FBXL2: variants seen among roughly 807,000 people sequenced by gnomAD.
FBXL2 encodes F-box and leucine rich repeat protein 2, also known as F-box/LRR-repeat protein 2.
A neutral mutation model predicts 69.2 loss-of-function variants in FBXL2; 38 were observed. That is an observed-to-expected ratio of 0.55 (90% CI 0.42 to 0.72). FBXL2 has a LOEUF of 0.72. FBXL2 is among the 30% of genes least tolerant of loss of function. The pLI is 0.00. For missense variants in FBXL2, 354 were observed against 520.3 expected (o/e 0.68, Z 3.11); for synonymous variants, 192 against 201.3 (o/e 0.95, Z 0.39).
downstream of FBXL2, among the ~76,000 whole-genome samples, chr3:33,404,486 A>T (rs1347646023): frequency 1.4e-5 from 1 of 71,066 alleles, no homozygotes; most frequent in Non-Finnish European, 2.8e-5. Flanking sequence ...TAATAGGATT[A>T]AAAAAAAAAA....
intron 1 of FBXL2, among the ~76,000 whole-genome samples, chr3:33,287,274 T>G (rs921395869): frequency 2.6e-5 from 4 of 152,124 alleles, no homozygotes; most frequent in African/African-American, 9.7e-5. Flanking sequence ...AAGTAGAGAT[T>G]TCTCTATTAA....
At chr3:33,287,261 G>A (rs934587263) in intron 1 of FBXL2, among the ~76,000 whole-genome samples, 67 of 152,182 alleles carry the variant, frequency 4.4e-4, no homozygotes, top group African/African-American at 1.6e-3. Context: ...AATAGATCAA[G>A]GAAAGTAGAG....
intron 12 of FBXL2, chr3:33,393,143 G>A: frequency 1.4e-6 from 1 of 723,154 alleles, no homozygotes. Flanking sequence ...TTATCACTAG[G>A]ATGCCTGAAA....
intron 2 of FBXL2, among the ~76,000 whole-genome samples, chr3:33,333,825 G>A (rs559433238): frequency 2.0e-5 from 3 of 152,198 alleles, no homozygotes; most frequent in South Asian, 2.1e-4. Flanking sequence ...TCACATTCTC[G>A]CAGAGATTGA....
intron 12 of FBXL2, chr3:33,400,859 T>G: frequency 9.1e-7 from 1 of 1,103,762 alleles, no homozygotes; most frequent in Non-Finnish European, 1.3e-6. Context: ...TTACCATACA[T>G]GTAACAAAAC....
the FBXL2 span, among the ~76,000 whole-genome samples, chr3:33,418,030 T>C: frequency 6.6e-6 from 1 of 152,146 alleles, no homozygotes; most frequent in Non-Finnish European, 1.5e-5. Context: ...AGAGACATTT[T>C]TAAAAAGTTA....
At chr3:33,314,119 CTTA>C (rs2037456825) in intron 2 of FBXL2, among the ~76,000 whole-genome samples, 3 of 150,554 alleles carry the variant, frequency 2.0e-5, no homozygotes, top group African/African-American at 7.3e-5. Flanking sequence ...TTGCTTTTTA[CTTA>C]TTGTGAAATA....
intron 2 of FBXL2, among the ~76,000 whole-genome samples, chr3:33,351,496 T>C (rs2040825885): frequency 6.6e-6 from 1 of 152,058 alleles, no homozygotes; most frequent in Non-Finnish European, 1.5e-5. Context: ...ACTACAAAAC[T>C]CCAGTATTCC....
In FBXL2 at chr3:33,377,966, T is replaced by C. The variant is rs984543935; in HGVS notation, c.850-137T>C. On this transcript the variant is annotated intron_variant, in intron 11 of 14. Transcript: ENST00000484457. ...TGTTCAGAAGTGCTGGTTTACTGGGTAGCTTTAGGAAGAGGGCATACTTCT... is the reference window on the plus strand; with the variant it reads ...TGTTCAGAAGTGCTGGTTTACTGGGCAGCTTTAGGAAGAGGGCATACTTCT... 4 of 798,294 alleles carry C rather than the reference T, an allele frequency of 5.0e-6. No homozygotes were observed. In the African/African-American group the frequency reaches 6.7e-5, roughly 13 times the overall value. 49.5% of individuals were successfully genotyped at this position (798,294 alleles called of 1,614,324 possible). A position where few individuals can be genotyped will look rare whatever the true frequency, so the allele number is the denominator to read the frequency against.
At chr3:33,352,853 C>G (rs541817401) in intron 2 of FBXL2, among the ~76,000 whole-genome samples, 1 of 152,076 alleles carries the variant, frequency 6.6e-6, no homozygotes, top group Non-Finnish European at 1.5e-5. Context: ...TGAGATCACA[C>G]CACTGCACTC....
At chr3:33,298,542 T>C (rs2125717730) in intron 2 of FBXL2, among the ~76,000 whole-genome samples, 1 of 151,722 alleles carries the variant, frequency 6.6e-6, no homozygotes, top group East Asian at 1.9e-4. Flanking sequence ...GGCGTGGTGG[T>C]GCACGCCTGT....
chr3:33,312,026 T>C (rs1337497510), intron 2 of FBXL2, among the ~76,000 whole-genome samples: 2 of 152,216 alleles, frequency 1.3e-5, no homozygotes, highest in African/African-American at 4.8e-5. Context: ...CAGTGAGCTA[T>C]GCAATATAGA....
intron 2 of FBXL2, among the ~76,000 whole-genome samples, chr3:33,353,018 C>A (rs2040936617): frequency 6.6e-6 from 1 of 152,252 alleles, no homozygotes; most frequent in East Asian, 1.9e-4. Flanking sequence ...ATGCAGATGA[C>A]AAGCATAAGA....
intron 12 of FBXL2, among the ~76,000 whole-genome samples, chr3:33,395,564 A>G (rs2043944588): frequency 1.3e-5 from 2 of 152,040 alleles, no homozygotes; most frequent in African/African-American, 2.4e-5. Context: ...CCCTCCCAAG[A>G]TAACGTACTG....
At chr3:33,406,400 C>T (rs919919049), downstream of FBXL2, among the ~76,000 whole-genome samples, 16 of 152,230 alleles carry the variant, frequency 1.1e-4, no homozygotes, top group African/African-American at 3.4e-4. Flanking sequence ...CTCACCTCTA[C>T]TATCTGAAAG....
intron 9 of FBXL2, among the ~76,000 whole-genome samples, chr3:33,374,526 T>C (rs1169718920): frequency 1.3e-5 from 2 of 152,180 alleles, no homozygotes. Flanking sequence ...TGCATTCAGC[T>C]TTAAATGAAT....
intron 3 of FBXL2, 117 bp from the exon 4 acceptor site, chr3:33,359,164 CTT>C: frequency 1.0e-6 from 1 of 970,136 alleles, no homozygotes. Context: ...TGATGATTAA[CTT>C]AATATACATC....
In FBXL2 at chr3:33,387,921, T is replaced by C. The variant is rs1486569044; in HGVS notation, c.*2313T>C. On this transcript the variant is annotated 3_prime_UTR_variant, in exon 15 of 15. Coordinates refer to ENST00000484457, the MANE Select transcript of FBXL2 (RefSeq NM_012157.5). ...GTCTCTACTAAAAATACAAAAAAAA[T>C]TAGCCGGGCATAGTGGCGGGTGCCT... 1 of 151,770 alleles carries C rather than the reference T, an allele frequency of 6.6e-6. No homozygotes were observed. Among genetic ancestry groups the C allele is most frequent in the Non-Finnish European group, 1.5e-5 (1 of 67,998 alleles). 9.4% of individuals were successfully genotyped at this position (151,770 alleles called of 1,614,324 possible).
chr3:33,402,647 T>C (rs1240541873), intron 12 of FBXL2, among the ~76,000 whole-genome samples: 2 of 152,006 alleles, frequency 1.3e-5, no homozygotes, highest in African/African-American at 4.8e-5. Context: ...GAAAAGACAA[T>C]GATTGTCCTC....
Sources: gnomAD v4.1 joint callset for allele counts (sites outside exome capture counted in the v4.1 genomes callset) on GRCh38, gnomAD v4.1.1 for gene constraint, MANE v1.5 for transcripts, NCBI Gene and HGNC (gene_info 2026-07-23, HGNC 2026-07-21) for gene names.